The following CCDC85A variants were observed in gnomAD, a reference collection of about 807,000 sequenced individuals.
CCDC85A encodes coiled-coil domain-containing protein 85A.
CCDC85A carries 38 observed loss-of-function variants against 50.2 expected under a neutral mutation model. The observed-to-expected ratio is 0.76, with a 90% CI of 0.58 to 0.99. The LOEUF is 0.99. CCDC85A is among the 50% of genes least tolerant of loss of function. CCDC85A has a pLI of 0.00. For synonymous variants in CCDC85A, 366 were observed against 301.4 expected, an observed-to-expected ratio of 1.21 and a Z score of -2.22; for missense variants, 820 against 742.0, an observed-to-expected ratio of 1.11 and a Z score of -1.22.
At chr2:56,339,640 A>G (rs1674256922) in intron 2 of CCDC85A, among the ~76,000 whole-genome samples, 1 of 152,240 alleles carries the variant, frequency 6.6e-6, no homozygotes, top group East Asian at 1.9e-4. Context: ...GGGGCAATAA[A>G]GATAAGGTGT....
At chr2:56,335,160 T>C (rs1361035391) in intron 2 of CCDC85A, among the ~76,000 whole-genome samples, 1 of 152,144 alleles carries the variant, frequency 6.6e-6, no homozygotes, top group Admixed American at 6.5e-5. Flanking sequence ...CTTATACTTG[T>C]GGAGTTAATA....
intron 2 of CCDC85A, among the ~76,000 whole-genome samples, chr2:56,299,716 C>T (rs778311443): frequency 6.6e-5 from 10 of 152,074 alleles, no homozygotes; most frequent in East Asian, 3.9e-4. Context: ...ATCAAGAAAC[C>T]GGGTAAAGTA....
chr2:56,233,058 G>C (rs1157542355), intron 2 of CCDC85A, among the ~76,000 whole-genome samples: 15 of 152,174 alleles, frequency 9.9e-5, no homozygotes, highest in Admixed American at 9.8e-4. Flanking sequence ...GTCTGCGTTA[G>C]GTAGTGCCTC....
chr2:56,380,390 G>T (rs536102005), intron 5 of CCDC85A, among the ~76,000 whole-genome samples: 52 of 152,030 alleles, frequency 3.4e-4, no homozygotes, highest in South Asian at 8.3e-4. Context: ...AAGAAAGACA[G>T]ATAAGAACCT....
chr2:56,362,308 A>G (rs575673793), intron 3 of CCDC85A, among the ~76,000 whole-genome samples: 49 of 152,262 alleles, frequency 3.2e-4, no homozygotes, highest in Admixed American at 2.8e-3. Flanking sequence ...TATTTTGGAC[A>G]TAGTCAATTT....
At chr2:56,340,832 C>T (rs368743662) in intron 2 of CCDC85A, among the ~76,000 whole-genome samples, 5 of 146,132 alleles carry the variant, frequency 3.4e-5, no homozygotes, top group East Asian at 2.1e-4. Context: ...GCCGAGATCG[C>T]GCCACTGCAC....
intron 1 of CCDC85A, among the ~76,000 whole-genome samples, chr2:56,186,451 G>T (rs983729954): frequency 1.2e-4 from 19 of 152,146 alleles, no homozygotes; most frequent in Admixed American, 9.2e-4. Flanking sequence ...GTAGGGGAAG[G>T]TTTAATACTT....
intron 2 of CCDC85A, among the ~76,000 whole-genome samples, chr2:56,277,913 A>G (rs1671032567): frequency 6.6e-6 from 1 of 152,232 alleles, no homozygotes; most frequent in South Asian, 2.1e-4. Flanking sequence ...GAAGGGACGT[A>G]TTGGACCAAC....
At chr2:56,381,894 G>A (rs1676601210) in intron 5 of CCDC85A, among the ~76,000 whole-genome samples, 1 of 151,994 alleles carries the variant, frequency 6.6e-6, no homozygotes, top group Non-Finnish European at 1.5e-5. Flanking sequence ...AAATTGAAAG[G>A]CACCATACAG....
chr2:56,268,722 G>T (rs1670566115), intron 2 of CCDC85A, among the ~76,000 whole-genome samples: 1 of 151,854 alleles, frequency 6.6e-6, no homozygotes, highest in Non-Finnish European at 1.5e-5. Flanking sequence ...AAATATTTAG[G>T]AAGATTGTAT....
intron 2 of CCDC85A, among the ~76,000 whole-genome samples, chr2:56,325,660 T>C (rs1673429041): frequency 6.6e-6 from 1 of 152,088 alleles, no homozygotes; most frequent in Non-Finnish European, 1.5e-5. Context: ...AAAACTAAAA[T>C]TGGACATTTA....
At chr2:56,239,936 T>C (rs1669181757) in intron 2 of CCDC85A, among the ~76,000 whole-genome samples, 1 of 152,178 alleles carries the variant, frequency 6.6e-6, no homozygotes, top group Non-Finnish European at 1.5e-5. Flanking sequence ...ATGGAATTGC[T>C]TGAGTTTTAC....
chr2:56,184,950 C>T, intron 1 of CCDC85A, 50 bp downstream of exon 1: 3 of 1,437,666 alleles, frequency 2.1e-6, no homozygotes, highest in African/African-American at 1.5e-5. Flanking sequence ...AGCGGGGTGC[C>T]CCGAGGAGGA....
At chr2:56,203,706 A>C (rs150155021) in intron 2 of CCDC85A, among the ~76,000 whole-genome samples, 35 of 152,318 alleles carry the variant, frequency 2.3e-4, no homozygotes, top group African/African-American at 7.9e-4. Flanking sequence ...TGTTAAGGTA[A>C]TATGTGGTTA....
chr2:56,277,731 C>T (rs566301773), intron 2 of CCDC85A, among the ~76,000 whole-genome samples: 2 of 152,310 alleles, frequency 1.3e-5, no homozygotes, highest in African/African-American at 2.4e-5. Context: ...ATGAGTAAGA[C>T]GAGACTGTAG....
At chr2:56,349,387 AAG>A (rs1205639056) in intron 3 of CCDC85A, among the ~76,000 whole-genome samples, 2 of 152,228 alleles carry the variant, frequency 1.3e-5, no homozygotes, top group East Asian at 1.9e-4. Flanking sequence ...GTTGGAATAA[AAG>A]AGATAATTAG....
chr2:56,320,043 G>C (rs545589559), intron 2 of CCDC85A, among the ~76,000 whole-genome samples: 1 of 152,090 alleles, frequency 6.6e-6, no homozygotes, highest in Admixed American at 6.6e-5. Flanking sequence ...TGACTACTGG[G>C]TACATAACAA....
rs1420239725 is a variant in CCDC85A, at chr2:56,385,775, T to C, written c.*1420T>C. ...TCAAAAATGTTACTGTGATGAAAAA[T>C]CATCTATTTTCAGAAAATATTTATG... is the stretch of plus-strand genomic sequence containing the variant. On this transcript the variant is annotated 3_prime_UTR_variant, in exon 6 of 6. Coordinates refer to ENST00000407595, the MANE Select transcript of CCDC85A (RefSeq NM_001080433.2). 6.6e-6 allele frequency: 1 copy of C among 151,712 alleles called. No homozygotes were observed. Among genetic ancestry groups the C allele is most frequent in the Non-Finnish European group, 1.5e-5 (1 of 67,758 alleles). 9.4% of individuals were successfully genotyped at this position (151,712 alleles called of 1,614,324 possible).
At chr2:56,185,853 C>T (rs1676008074) in intron 1 of CCDC85A, 1 of 152,402 alleles carries the variant, frequency 6.6e-6, no homozygotes, top group Admixed American at 6.5e-5. Flanking sequence ...TCCTGGTATT[C>T]CTTCCTCTCA....
Sources: allele counts gnomAD v4.1 joint callset (sites outside exome capture counted in the v4.1 genomes callset), GRCh38; gene constraint gnomAD v4.1.1; transcripts MANE v1.5; gene names NCBI Gene and HGNC (gene_info 2026-07-23, HGNC 2026-07-21).